Variants in KALRN observed in about 807,000 individuals in gnomAD.
The protein encoded by KALRN is kalirin RhoGEF kinase.
Under a neutral mutation model 353.7 loss-of-function variants are expected in KALRN, and 70 were observed. The ratio of observed to expected loss-of-function variants is 0.20; its 90% CI spans 0.16 to 0.24. The LOEUF is 0.24. Among genes scored for constraint, KALRN ranks in the 10% least tolerant of loss-of-function variants. The pLI, the probability that KALRN is intolerant of heterozygous loss-of-function variation, is 1.00. For synonymous variants in KALRN, 1,391 were observed against 1,434.8 expected, an observed-to-expected ratio of 0.97 and a Z score of 0.69; for missense variants, 2,791 against 3,756.7, an observed-to-expected ratio of 0.74 and a Z score of 6.72.
At chr3:124,357,510 G>A (rs2083554122) in intron 10 of KALRN, among the ~76,000 whole-genome samples, 1 of 152,144 alleles carries the variant, frequency 6.6e-6, no homozygotes, top group South Asian at 2.1e-4. Flanking sequence ...ATCCCATCTT[G>A]TATTCCTGTT....
At chr3:124,447,350 C>T (rs559225373) in intron 21 of KALRN, among the ~76,000 whole-genome samples, 6 of 152,232 alleles carry the variant, frequency 3.9e-5, no homozygotes, top group African/African-American at 1.2e-4. Context: ...GAGCTATTTC[C>T]ATCTGGCCTC....
In KALRN at chr3:124,265,997, C is replaced by A. The variant is rs143713606; in HGVS notation, c.456+1307C>A. On this transcript the variant is annotated intron_variant, in intron 4 of 59. Coordinates refer to ENST00000682506, the MANE Select transcript of KALRN (RefSeq NM_001388419.1). The stretch of plus-strand genomic sequence containing the variant: ...GGGCGTGGTGGCGTGTGCCTGTAAT[C>A]CAAGCTACTCAAGAGGCTGAGGCAG... Among the ~76,000 whole-genome samples the A allele has an allele frequency of 5.9e-5, 9 of 152,216 alleles. No homozygotes were observed. In the East Asian group the frequency reaches 1.4e-3, roughly 23 times the overall value.
intron 28 of KALRN, 129 bp downstream of exon 28, chr3:124,483,029 G>C: frequency 1.4e-6 from 1 of 692,338 alleles, no homozygotes; most frequent in Non-Finnish European, 2.6e-6. Context: ...CAGAACTTCA[G>C]CCCACACTGG....
At position 124,666,502 on chromosome 3, in the gene KALRN, C is replaced by A. The variant is rs190316626; in HGVS notation, c.6399C>A (p.Ile2133=). ...KLLQQDTFYV[I]ELDAGMQSRT... Reference sequence around the variant, plus strand: ...TGCAGCAGGACACATTCTATGTGATCGAGCTGGATGCAGGCATGCAGTCCC... The same window carrying A: ...TGCAGCAGGACACATTCTATGTGATAGAGCTGGATGCAGGCATGCAGTCCC... The change falls in exon 46 of 60, where the codon ATC becomes ATA. Residue 2133 remains isoleucine, a synonymous_variant. Transcript: ENST00000682506. 8.1e-6 allele frequency: 13 copies of A among 1,614,004 alleles called. No homozygotes were observed. The East Asian group carries it at 1.8e-4, about 22-fold the overall frequency.
At chr3:124,528,681 G>C (rs772873192) in intron 33 of KALRN, among the ~76,000 whole-genome samples, 4 of 152,194 alleles carry the variant, frequency 2.6e-5, no homozygotes, top group Non-Finnish European at 4.4e-5. Context: ...TACATTGCAA[G>C]ACTAAGTTCA....
intron 1 of KALRN, among the ~76,000 whole-genome samples, chr3:124,057,269 T>C (rs2041635958): frequency 6.6e-6 from 1 of 152,134 alleles, no homozygotes; most frequent in Non-Finnish European, 1.5e-5. Flanking sequence ...ATGAGTACAT[T>C]ATTCTGGAAG....
chr3:124,541,607 C>T (rs2069039209), intron 33 of KALRN, among the ~76,000 whole-genome samples: 1 of 151,938 alleles, frequency 6.6e-6, no homozygotes, highest in African/African-American at 2.4e-5. Context: ...CCTGGATCGG[C>T]CGGGCACAGT....
chr3:124,702,728 CATTA>C (rs542069695), intron 57 of KALRN, among the ~76,000 whole-genome samples: 196 of 152,244 alleles, frequency 1.3e-3, no homozygotes, highest in African/African-American at 4.6e-3. Flanking sequence ...GTACCAAGCA[CATTA>C]ATTATTTTAT....
At chr3:124,478,657 G>A (rs1436340972) in intron 27 of KALRN, among the ~76,000 whole-genome samples, 1 of 152,222 alleles carries the variant, frequency 6.6e-6, no homozygotes, top group East Asian at 1.9e-4. Context: ...TATCATATTG[G>A]ATGCCCTCTG....
At chr3:124,429,855 A>C (rs1489153501) in intron 15 of KALRN, among the ~76,000 whole-genome samples, 1 of 152,112 alleles carries the variant, frequency 6.6e-6, no homozygotes, top group East Asian at 1.9e-4. Flanking sequence ...ATGGGTTATT[A>C]CTTCTATTTT....
intron 10 of KALRN, among the ~76,000 whole-genome samples, chr3:124,364,069 G>T (rs2084365724): frequency 6.6e-6 from 1 of 152,106 alleles, no homozygotes; most frequent in Non-Finnish European, 1.5e-5. Flanking sequence ...ACGTTTTGGG[G>T]GTTCTGTGAA....
At position 124,130,369 on chromosome 3, in the gene KALRN, A is replaced by G. The variant is rs1373911711; in HGVS notation, c.73+96556A>G. Among the ~76,000 whole-genome samples, 3 of 152,198 alleles carry G rather than the reference A, an allele frequency of 2.0e-5. No individual in the cohort carries two copies. In the East Asian group the frequency reaches 5.8e-4, roughly 29 times the overall value. ...ATGGTTAGGTAGTTTACTATTTTCA[A>G]GAAGTAAAATTATTAGATTTTTTTT... On this transcript the variant is annotated intron_variant, in intron 1 of 59. Coordinates refer to ENST00000682506, the MANE Select transcript of KALRN (RefSeq NM_001388419.1).
At position 124,725,813 on chromosome 3, in the gene KALRN, C is replaced by T. The variant is rs1195347591; in HGVS notation, c.*6343C>T. ...TGGCATCTCTTGGTTTTGAGTGACC[C>T]CTGCCCCCCTCAAGTCTTTTGAGAA... On this transcript the variant is annotated 3_prime_UTR_variant, in exon 60 of 60. Transcript: ENST00000682506. 1 of 152,188 alleles carries T rather than the reference C, an allele frequency of 6.6e-6. No homozygotes were observed. Among genetic ancestry groups the T allele is most frequent in the Non-Finnish European group, 1.5e-5 (1 of 68,044 alleles). The allele number at this position is 152,188 out of a possible 1,614,324, so 9.4% of individuals were successfully genotyped here. A position where few individuals can be genotyped will look rare whatever the true frequency, so the allele number is the denominator to read the frequency against.
intron 38 of KALRN, among the ~76,000 whole-genome samples, chr3:124,655,342 ATGCT>A (rs2083893614): frequency 6.6e-6 from 1 of 152,226 alleles, no homozygotes. Flanking sequence ...AGAAAGAAGA[ATGCT>A]AGGTACTGAG....
intron 34 of KALRN, among the ~76,000 whole-genome samples, chr3:124,611,231 G>A (rs528283762): frequency 2.0e-5 from 3 of 152,156 alleles, no homozygotes; most frequent in Admixed American, 6.5e-5. Flanking sequence ...GGGAAGGACC[G>A]CCTAGGTAGA....
chr3:124,450,698 G>A (rs751400167), intron 21 of KALRN, among the ~76,000 whole-genome samples: 21 of 151,838 alleles, frequency 1.4e-4, no homozygotes, highest in Non-Finnish European at 2.4e-4. Flanking sequence ...ATGTAGCTGC[G>A]ATTACAGGTG....
intron 1 of KALRN, among the ~76,000 whole-genome samples, chr3:124,197,386 T>C (rs2150362492): frequency 6.6e-6 from 1 of 152,362 alleles, no homozygotes; most frequent in Middle Eastern, 3.4e-3. Flanking sequence ...AAGCAAGCCT[T>C]GTGTGCTACT....
chr3:124,314,716 G>T lies in KALRN; in HGVS notation c.1093-11264G>T, dbSNP rs895133296. Among the ~76,000 whole-genome samples the T allele has an allele frequency of 2.0e-5, 3 of 152,294 alleles. No homozygotes were observed. In the East Asian group the frequency reaches 5.8e-4, roughly 29 times the overall value. On this transcript the variant is annotated intron_variant, in intron 6 of 59. Transcript: ENST00000682506. ...CTGTCTCCTAGGCTGGCATGCAGTG[G>T]CAGGATTGTGGCTCACTGCAGCCTC...
At chr3:124,671,590 G>A in intron 47 of KALRN, 70 bp from the exon 48 acceptor site, 1 of 1,058,188 alleles carries the variant, frequency 9.5e-7, no homozygotes, top group Non-Finnish European at 1.5e-6. Flanking sequence ...CAAAGCCTTG[G>A]ACCTAAGAGG....
Sources: allele counts gnomAD v4.1 joint callset (sites outside exome capture counted in the v4.1 genomes callset), GRCh38; gene constraint gnomAD v4.1.1; transcripts MANE v1.5; gene names NCBI Gene and HGNC (gene_info 2026-07-23, HGNC 2026-07-21).